CACNA1D: variants seen among roughly 807,000 people sequenced by gnomAD.
CACNA1D encodes calcium voltage-gated channel subunit alpha1 D.
A neutral mutation model predicts 257.1 loss-of-function variants in CACNA1D; 55 were observed. The observed-to-expected ratio is 0.21, with a 90% CI of 0.17 to 0.27. The LOEUF (loss-of-function observed/expected upper bound fraction) is 0.27. Among genes scored for constraint, CACNA1D ranks in the 10% least tolerant of loss-of-function variants. The pLI is 1.00. For missense variants in CACNA1D, 1,876 were observed against 2,784.0 expected (o/e 0.67, Z 7.34); for synonymous variants, 980 against 1,014.9 (o/e 0.97, Z 0.65).
At chr3:53,603,897 A>G (rs1482643797) in intron 3 of CACNA1D, among the ~76,000 whole-genome samples, 2 of 152,164 alleles carry the variant, frequency 1.3e-5, no homozygotes, top group East Asian at 3.8e-4. Context: ...AATGCAGCTG[A>G]TGTATGGACT....
intron 9 of CACNA1D, among the ~76,000 whole-genome samples, chr3:53,707,540 G>A (rs1037477134): frequency 2.0e-5 from 3 of 152,160 alleles, no homozygotes; most frequent in African/African-American, 7.2e-5. Context: ...TTAGAAAGCT[G>A]GTGTTACACA....
intron 3 of CACNA1D, among the ~76,000 whole-genome samples, chr3:53,533,759 G>A (rs1053402284): frequency 6.6e-6 from 1 of 152,172 alleles, no homozygotes; most frequent in African/African-American, 2.4e-5. Flanking sequence ...TAGATTTTGG[G>A]CATAGTTACT....
At position 53,665,808 on chromosome 3, in the gene CACNA1D, C is replaced by T; in HGVS notation, c.915C>T (p.Asp305=). ...GKMHKTCFFA[D]SDIVAEEDPA... is the part of the protein sequence containing the mutation. ...TGCACAAAACATGTTTTTTTGCTGA[C>T]TCAGGTGAGTAATGAGAATTGTAGC... The change falls in exon 6 of 48, where the codon GAC becomes GAT. Residue 305 remains aspartate, a synonymous_variant. Coordinates refer to ENST00000350061, the MANE Select transcript of CACNA1D (RefSeq NM_001128840.3). 6.2e-7 allele frequency: 1 copy of T among 1,612,092 alleles called. No homozygotes were observed. The highest frequency in any genetic ancestry group is 1.1e-5 in the South Asian group (1 of 90,880).
intron 7 of CACNA1D, among the ~76,000 whole-genome samples, chr3:53,670,934 G>T (rs1299522991): frequency 1.3e-5 from 2 of 152,120 alleles, no homozygotes; most frequent in African/African-American, 4.8e-5. Context: ...GACTTGGATT[G>T]AGAAGGGTTC....
At chr3:53,648,975 G>A (rs951468062) in intron 3 of CACNA1D, among the ~76,000 whole-genome samples, 1 of 152,188 alleles carries the variant, frequency 6.6e-6, no homozygotes, top group African/African-American at 2.4e-5. Flanking sequence ...AGGAAGCCCT[G>A]TTATATGACC....
chr3:53,550,440 C>A (rs1388640652), intron 3 of CACNA1D, among the ~76,000 whole-genome samples: 1 of 152,176 alleles, frequency 6.6e-6, no homozygotes, highest in African/African-American at 2.4e-5. Flanking sequence ...AACCTCTCAC[C>A]CTGCATTCCT....
chr3:53,733,029 T>A (rs1576493384), intron 19 of CACNA1D, 67 bp downstream of exon 19: 2 of 1,543,008 alleles, frequency 1.3e-6, no homozygotes, highest in Admixed American at 1.7e-5. Context: ...TGCTTGAGGG[T>A]GGCTCGGGTG....
chr3:53,587,269 C>A (rs1423158097), intron 3 of CACNA1D, among the ~76,000 whole-genome samples: 1 of 152,056 alleles, frequency 6.6e-6, no homozygotes, highest in Non-Finnish European at 1.5e-5. Context: ...TCTGGGGTGA[C>A]TGAAGTGGGA....
At chr3:53,763,188 G>A (rs1328805069) in intron 30 of CACNA1D, among the ~76,000 whole-genome samples, 5 of 152,232 alleles carry the variant, frequency 3.3e-5, no homozygotes, top group Non-Finnish European at 7.3e-5. Flanking sequence ...CCAGCCAGTG[G>A]AAGGCTGCTT....
At chr3:53,588,084 G>A (rs1298132136) in intron 3 of CACNA1D, among the ~76,000 whole-genome samples, 2 of 152,114 alleles carry the variant, frequency 1.3e-5, no homozygotes, top group Admixed American at 6.5e-5. Context: ...AGACCTAGGG[G>A]TATTTCCTTG....
intron 3 of CACNA1D, among the ~76,000 whole-genome samples, chr3:53,571,489 T>G (rs2092942532): frequency 6.6e-6 from 1 of 152,084 alleles, no homozygotes; most frequent in South Asian, 2.1e-4. Context: ...GCCATAGCTG[T>G]CGATAGTTGG....
At chr3:53,578,486 C>T (rs2093076690) in intron 3 of CACNA1D, among the ~76,000 whole-genome samples, 1 of 152,118 alleles carries the variant, frequency 6.6e-6, no homozygotes, top group African/African-American at 2.4e-5. Context: ...TCATGGGTGC[C>T]CAGCCGAAAG....
At chr3:53,702,179 A>T (rs533945869) in intron 8 of CACNA1D, among the ~76,000 whole-genome samples, 1 of 152,302 alleles carries the variant, frequency 6.6e-6, no homozygotes, top group Non-Finnish European at 1.5e-5. Context: ...AGCACACAAT[A>T]TTAATGCAAA....
At chr3:53,556,140 A>G (rs1443078847) in intron 3 of CACNA1D, among the ~76,000 whole-genome samples, 1 of 152,234 alleles carries the variant, frequency 6.6e-6, no homozygotes, top group African/African-American at 2.4e-5. Flanking sequence ...ATTGCTGAGT[A>G]ATATTACATT....
In CACNA1D at chr3:53,536,088, C is replaced by T. The variant is rs186660532; in HGVS notation, c.483+34368C>T. 1.1e-4 allele frequency among the ~76,000 whole-genome samples: 17 copies of T among 152,252 alleles called. No homozygotes were observed. In the East Asian group the frequency reaches 2.7e-3, roughly 24 times the overall value. On this transcript the variant is annotated intron_variant, in intron 3 of 47. Coordinates refer to ENST00000350061, the MANE Select transcript of CACNA1D (RefSeq NM_001128840.3). The stretch of plus-strand genomic sequence containing the variant: ...ATGTATATGGTTGGACCTAAGATAA[C>T]CCATGTTTGTGCTTCTGTGGACACT...
At chr3:53,704,006 A>G (rs892770233) in intron 9 of CACNA1D, among the ~76,000 whole-genome samples, 9 of 152,148 alleles carry the variant, frequency 5.9e-5, no homozygotes, top group African/African-American at 2.2e-4. Context: ...AAGCACCCTG[A>G]CCCAGGGGAC....
At chr3:53,709,260 C>T (rs937398861) in intron 9 of CACNA1D, among the ~76,000 whole-genome samples, 1 of 152,214 alleles carries the variant, frequency 6.6e-6, no homozygotes, top group African/African-American at 2.4e-5. Context: ...TGAATACATT[C>T]ATTCTTCTTC....
Position 53,751,609 on chromosome 3 carries a change from T to C in CACNA1D, c.3517-140T>C, listed in dbSNP as rs1018211056. On this transcript the variant is annotated intron_variant, in intron 27 of 47. Transcript: ENST00000350061. The surrounding 1 kb of genome is among the most constrained non-coding windows in gnomAD (Gnocchi z 4.3). Reference sequence around the variant, plus strand: ...AGTGGTGCCAGCAGCAGGAAGGGGGTCACTCGTAATCATTTTCACCATCGT... The same window carrying C: ...AGTGGTGCCAGCAGCAGGAAGGGGGCCACTCGTAATCATTTTCACCATCGT... The C allele has an allele frequency of 3.6e-6, 3 of 827,554 alleles. No individual in the cohort carries two copies. The highest frequency in any genetic ancestry group is 3.8e-5 in the Admixed American group (2 of 52,770). The allele number at this position is 827,554 out of a possible 1,614,324, so 51.3% of individuals were successfully genotyped here. A position where few individuals can be genotyped will look rare whatever the true frequency, so the allele number is the denominator to read the frequency against.
intron 3 of CACNA1D, among the ~76,000 whole-genome samples, chr3:53,553,177 C>A (rs1006876246): frequency 1.3e-5 from 2 of 152,234 alleles, no homozygotes; most frequent in African/African-American, 4.8e-5. Context: ...CTAGTTGACA[C>A]ACTTATTCAG....
Sources: allele counts gnomAD v4.1 joint callset (sites outside exome capture counted in the v4.1 genomes callset), GRCh38; gene constraint gnomAD v4.1.1; non-coding constraint Gnocchi (gnomAD v3.1); transcripts MANE v1.5; gene names NCBI Gene and HGNC (gene_info 2026-07-23, HGNC 2026-07-21).